The following PCDHGA8 variants were observed in gnomAD, a reference collection of about 807,000 sequenced individuals.
PCDHGA8 encodes the protein protocadherin gamma-A8.
PCDHGA8 carries 45 observed loss-of-function variants against 59.2 expected under a neutral mutation model. The observed-to-expected ratio is 0.76, with a 90% CI of 0.60 to 0.98. The LOEUF is 0.98. Ranked by LOEUF, PCDHGA8 falls within the 50% of genes least tolerant of loss-of-function variation. The pLI, the probability that PCDHGA8 is intolerant of heterozygous loss-of-function variation, is 0.00. For synonymous variants in PCDHGA8, 531 were observed against 519.0 expected (o/e 1.02, Z -0.32); for missense variants, 1,257 against 1,196.2 (o/e 1.05, Z -0.75).
At chr5:141,478,535 C>G (rs1359742091) in intron 1 of PCDHGA8, 1 of 1,607,794 alleles carries the variant, frequency 6.2e-7, no homozygotes, top group Non-Finnish European at 8.5e-7. Flanking sequence ...AGAGAGCGCC[C>G]CTCCCGGACA....
chr5:141,393,806 C>CA lies in PCDHGA8; in HGVS notation c.996dup (p.Leu333IlefsTer10). On this transcript the variant is annotated frameshift_variant, in exon 1 of 4. Transcript: ENST00000398604. LOFTEE classifies it high-confidence loss of function. Reference sequence around the variant, plus strand: ...ATGTGGGGGCACTTCTGGGGAGGACCAAATTGCTCATTTCGGTGGAAGATG... The same window carrying CA: ...ATGTGGGGGCACTTCTGGGGAGGACCAAAATTGCTCATTTCGGTGGAAGATG... 12 of 1,613,866 alleles carry CA rather than the reference C, an allele frequency of 7.4e-6. No homozygotes were observed. The highest frequency in any genetic ancestry group is 1.0e-5 in the Non-Finnish European group (12 of 1,179,890).
At chr5:141,418,667 G>A (rs1561775322) in intron 1 of PCDHGA8, 1 of 1,614,036 alleles carries the variant, frequency 6.2e-7, no homozygotes, top group Admixed American at 1.7e-5. Flanking sequence ...CACTGACCAG[G>A]ACGAGGGCAT....
chr5:141,450,842 T>TTTTTA, intron 1 of PCDHGA8, among the ~76,000 whole-genome samples: 1 of 148,196 alleles, frequency 6.7e-6, no homozygotes, highest in African/African-American at 2.5e-5. Context: ...TTTTTTTTTT[T>TTTTTA]GAGATGGGGT....
chr5:141,437,831 G>C (rs923199746), intron 1 of PCDHGA8, among the ~76,000 whole-genome samples: 16 of 151,256 alleles, frequency 1.1e-4, no homozygotes, highest in African/African-American at 3.4e-4. Flanking sequence ...TCTGCCTCCT[G>C]GGTTCATGCT....
intron 1 of PCDHGA8, among the ~76,000 whole-genome samples, chr5:141,466,008 G>C (rs1298363274): frequency 6.6e-6 from 1 of 151,970 alleles, no homozygotes; most frequent in Non-Finnish European, 1.5e-5. Flanking sequence ...TGTAGTCCCA[G>C]CTACTCGGGA....
At chr5:141,496,698 C>T (rs2099770595) in intron 2 of PCDHGA8, among the ~76,000 whole-genome samples, 1 of 152,196 alleles carries the variant, frequency 6.6e-6, no homozygotes, top group Non-Finnish European at 1.5e-5. Context: ...CCAACCTTCT[C>T]ATAAGTTATC....
Position 141,487,779 on chromosome 5 carries a change from T to C in PCDHGA8, c.2425-7028T>C, listed in dbSNP as rs1269811316. On this transcript the variant is annotated intron_variant, in intron 1 of 3. Coordinates refer to ENST00000398604, the MANE Select transcript of PCDHGA8 (RefSeq NM_032088.2). This position sits in a 1 kb window ranked among gnomAD's most constrained non-coding sequence, Gnocchi z 5.0. ...GTAGACGCTGTGCTTTGTAACTGTT[T>C]CGTGAATTAACCAGAGTTGTCACAG... is the stretch of plus-strand genomic sequence containing the variant. 2.6e-6 allele frequency: 4 copies of C among 1,530,492 alleles called. No individual in the cohort carries two copies. The highest frequency in any genetic ancestry group is 2.6e-6 in the Non-Finnish European group (3 of 1,133,212). The allele number at this position is 1,530,492 out of a possible 1,614,324, so 94.8% of individuals were successfully genotyped here. A position where few individuals can be genotyped will look rare whatever the true frequency, so the allele number is the denominator to read the frequency against.
Position 141,485,605 on chromosome 5 carries a change from G to A in PCDHGA8, c.2425-9202G>A. On this transcript the variant is annotated intron_variant, in intron 1 of 3. Transcript: ENST00000398604. This position sits in a 1 kb window ranked among gnomAD's most constrained non-coding sequence, Gnocchi z 5.7. The stretch of plus-strand genomic sequence containing the variant: ...AGCAGCTGGACTTGGAAATTGGGGA[G>A]GCAGCTCCTCCAGGACAGCGTTTCC... 6.2e-7 allele frequency: 1 copy of A among 1,612,448 alleles called. No homozygotes were observed. Among genetic ancestry groups the A allele is most frequent in the Non-Finnish European group, 8.5e-7 (1 of 1,178,750 alleles).
chr5:141,410,054 A>C, intron 1 of PCDHGA8: 1 of 1,613,064 alleles, frequency 6.2e-7, no homozygotes. Context: ...CGGACTCTTC[A>C]GCCTGGGGCT....
chr5:141,456,178 A>G (rs1216202318), intron 1 of PCDHGA8, among the ~76,000 whole-genome samples: 1 of 151,926 alleles, frequency 6.6e-6, no homozygotes, highest in African/African-American at 2.4e-5. Context: ...ATTACAGAAT[A>G]ATTTCTTAAT....
In PCDHGA8 at chr5:141,398,897, C is replaced by A. The variant is rs761364649; in HGVS notation, c.2424+3660C>A. On this transcript the variant is annotated intron_variant, in intron 1 of 3. Coordinates refer to ENST00000398604, the MANE Select transcript of PCDHGA8 (RefSeq NM_032088.2). The stretch of plus-strand genomic sequence containing the variant: ...GTCAGCCTTCGGGAAAACGTGCCAC[C>A]AGGCACCACTGTGTTGCAAGTGTCA... 6 of 1,613,932 alleles carry A rather than the reference C, an allele frequency of 3.7e-6. No homozygotes were observed. The South Asian group carries it at 6.6e-5, about 18-fold the overall frequency.
intron 1 of PCDHGA8, among the ~76,000 whole-genome samples, chr5:141,469,803 A>G (rs1326367314): frequency 6.6e-6 from 1 of 152,174 alleles, no homozygotes; most frequent in Non-Finnish European, 1.5e-5. Context: ...TTGCAAAAAC[A>G]TTGTAGATAG....
At chr5:141,465,494 G>C (rs2099104306) in intron 1 of PCDHGA8, among the ~76,000 whole-genome samples, 1 of 152,204 alleles carries the variant, frequency 6.6e-6, no homozygotes, top group African/African-American at 2.4e-5. Context: ...ATGAGCGGGA[G>C]CATTGTCGTG....
chr5:141,497,412 A>G (rs963440048), intron 2 of PCDHGA8, among the ~76,000 whole-genome samples: 13 of 151,982 alleles, frequency 8.6e-5, no homozygotes, highest in African/African-American at 3.1e-4. Flanking sequence ...CTCCCATTCC[A>G]TCAAATGAGA....
At chr5:141,433,546 T>C (rs1317735935) in intron 1 of PCDHGA8, among the ~76,000 whole-genome samples, 1 of 152,090 alleles carries the variant, frequency 6.6e-6, no homozygotes, top group Non-Finnish European at 1.5e-5. Context: ...TATCAGATAT[T>C]CTTTTCTGGC....
At chr5:141,425,018 T>C (rs2096853023) in intron 1 of PCDHGA8, among the ~76,000 whole-genome samples, 1 of 152,224 alleles carries the variant, frequency 6.6e-6, no homozygotes, top group Non-Finnish European at 1.5e-5. Context: ...TTTAGGAATT[T>C]ACCTTATGTC....
At position 141,431,176 on chromosome 5, in the gene PCDHGA8, A is replaced by G; in HGVS notation, c.2424+35939A>G. On this transcript the variant is annotated intron_variant, in intron 1 of 3. Coordinates refer to ENST00000398604, the MANE Select transcript of PCDHGA8 (RefSeq NM_032088.2). The surrounding 1 kb of genome is among the most constrained non-coding windows in gnomAD (Gnocchi z 4.8). Reference sequence around the variant, plus strand: ...CTTACTTTCGTGAAAGTGAATTAGAAATAAAAATTAGTGAAAATGCAGCCA... The same window carrying G: ...CTTACTTTCGTGAAAGTGAATTAGAGATAAAAATTAGTGAAAATGCAGCCA... The G allele has an allele frequency of 1.2e-6, 2 of 1,614,212 alleles. No individual in the cohort carries two copies. Among genetic ancestry groups the G allele is most frequent in the Non-Finnish European group, 1.7e-6 (2 of 1,180,032 alleles).
chr5:141,489,425 G>T lies in PCDHGA8; in HGVS notation c.2425-5382G>T, dbSNP rs779739693. 6.2e-7 allele frequency: 1 copy of T among 1,614,118 alleles called. No homozygotes were observed. The highest frequency in any genetic ancestry group is 8.5e-7 in the Non-Finnish European group (1 of 1,180,030). The stretch of plus-strand genomic sequence containing the variant: ...TTAAAGATGACAGATCTGTTGAGCC[G>T]GCGGCTGCAATTGGGCTCTGAGGAG... On this transcript the variant is annotated intron_variant, in intron 1 of 3. Transcript: ENST00000398604. This position sits in a 1 kb window ranked among gnomAD's most constrained non-coding sequence, Gnocchi z 4.5.
chr5:141,405,149 G>T (rs1469979881), intron 1 of PCDHGA8: 4 of 1,614,038 alleles, frequency 2.5e-6, no homozygotes, highest in Non-Finnish European at 3.4e-6. Context: ...TGATGGGTTG[G>T]CTGGTGTGCC....
Sources: gnomAD v4.1 joint callset for allele counts (sites outside exome capture counted in the v4.1 genomes callset) on GRCh38, gnomAD v4.1.1 for gene constraint, Gnocchi (gnomAD v3.1) non-coding constraint, MANE v1.5 for transcripts, NCBI Gene and HGNC (gene_info 2026-07-23, HGNC 2026-07-21) for gene names.